FHAD1: variants seen among roughly 807,000 people sequenced by gnomAD.
FHAD1 encodes forkhead-associated domain-containing protein 1.
Under a neutral mutation model 191.3 loss-of-function variants are expected in FHAD1, and 146 were observed. The observed-to-expected ratio is 0.76, with a 90% CI of 0.67 to 0.88. The LOEUF is 0.88. Among genes scored for constraint, FHAD1 ranks in the 40% least tolerant of loss-of-function variants. The probability of loss-of-function intolerance (pLI) is 0.00; values close to 1 mark genes in which losing one functional copy is unlikely to be tolerated. For missense variants in FHAD1, 1,635 were observed against 1,785.8 expected (o/e 0.92, Z 1.52); for synonymous variants, 616 against 672.3 (o/e 0.92, Z 1.29).
In FHAD1 at chr1:15,314,187, C is replaced by T. The variant is rs142044678; in HGVS notation, c.1170+1000C>T. 4.7e-3 allele frequency among the ~76,000 whole-genome samples: 721 copies of T among 152,190 alleles called. 6 individuals carry two copies. Among genetic ancestry groups the T allele is most frequent in the African/African-American group, 0.017 (694 of 41,532 alleles). On this transcript the variant is annotated intron_variant, in intron 8 of 33. Transcript: ENST00000688493. ...CAGTATTTGTGAGATGTGTCTGTTTCGGTGAGTCAAGGTAAAACCTAACAG... is the reference window on the plus strand; with the variant it reads ...CAGTATTTGTGAGATGTGTCTGTTTTGGTGAGTCAAGGTAAAACCTAACAG...
chr1:15,337,456 G>A (rs987792454), intron 14 of FHAD1, among the ~76,000 whole-genome samples: 2 of 152,098 alleles, frequency 1.3e-5, no homozygotes, highest in Non-Finnish European at 1.5e-5. Flanking sequence ...GGCGTCTCTC[G>A]GGCCCTTAGC....
intron 24 of FHAD1, 125 bp from the exon 25 acceptor site, chr1:15,367,338 A>C (rs906228516): frequency 1.5e-5 from 17 of 1,109,412 alleles, no homozygotes; most frequent in Admixed American, 2.8e-5. Flanking sequence ...TCTACTAAAA[A>C]TACAAAAATT....
chr1:15,246,502 T>C (rs1273397543), upstream of FHAD1, among the ~76,000 whole-genome samples: 1 of 103,380 alleles, frequency 9.7e-6, no homozygotes, highest in Non-Finnish European at 2.5e-5. Flanking sequence ...AGATAGGATT[T>C]GCACATCTGC....
rs1345726145 is a variant in FHAD1 at position 15,397,399 on chromosome 1, A to G, written c.4426A>G (p.Ser1476Gly). 19 of 1,531,658 alleles carry G rather than the reference A, an allele frequency of 1.2e-5. No individual in the cohort carries two copies. The highest frequency in any genetic ancestry group is 1.6e-5 in the Non-Finnish European group (18 of 1,133,468). 94.9% of individuals were successfully genotyped at this position (1,531,658 alleles called of 1,614,324 possible). A position where few individuals can be genotyped will look rare whatever the true frequency, so the allele number is the denominator to read the frequency against. Residue 1476 changes from serine to glycine, a missense_variant, in exon 34 of 34, where the codon AGT becomes GGT. By Grantham distance (56) the Ser-to-Gly change is moderately conservative (BLOSUM62 0). Coordinates refer to ENST00000688493, the MANE Select transcript of FHAD1 (RefSeq NM_001391957.1). The stretch of plus-strand genomic sequence containing the variant: ...CCAGAGCCTTTTGCATTCTAAGCCC[A>G]GTGGAAAGTACTAGAGAAACCTCGT... ...SSQSLLHSKP[S>G]GKY
upstream of FHAD1, chr1:15,247,205 C>G (rs537206724): frequency 6.1e-6 from 1 of 162,816 alleles, no homozygotes; most frequent in Non-Finnish European, 1.4e-5. Context: ...TAGGCTGGAC[C>G]CCGCGGCGCC....
rs151298620 is a variant in FHAD1 at position 15,288,076 on chromosome 1, AAGAG to A, written c.301-1311_301-1308del. Among the ~76,000 whole-genome samples the A allele has an allele frequency of 1.6e-3, 236 of 151,548 alleles. 1 individual carries two copies. The highest frequency in any genetic ancestry group is 5.4e-3 in the African/African-American group (225 of 41,440). On this transcript the variant is annotated intron_variant, in intron 3 of 33. Transcript: ENST00000688493. ...GACAATTGGGAGACAGAGGAGGGGA[AAGAG>A]AGAGAGAGAGAAGAAGGAGAGGCCA...
intron 3 of FHAD1, among the ~76,000 whole-genome samples, chr1:15,275,834 C>T (rs752626): frequency 0.32 from 48,309 of 151,952 alleles, 7,940 homozygotes; most frequent in African/African-American, 0.43. Context: ...GTCTTCCCCG[C>T]GGTAGAGTTT....
At chr1:15,296,533 G>A (rs1429724593) in intron 4 of FHAD1, 151 bp from the exon 5 acceptor site, 22 of 752,010 alleles carry the variant, frequency 2.9e-5, no homozygotes, top group Non-Finnish European at 3.6e-5. Flanking sequence ...GATTACAGGC[G>A]TGAGCCACAG....
At chr1:15,344,451 C>G (rs1165856044) in intron 16 of FHAD1, among the ~76,000 whole-genome samples, 1 of 152,212 alleles carries the variant, frequency 6.6e-6, no homozygotes, top group Non-Finnish European at 1.5e-5. Flanking sequence ...GCCAAATTGT[C>G]CCATAAAGAG....
chr1:15,347,993 G>A (rs1327500707), intron 18 of FHAD1, among the ~76,000 whole-genome samples: 4 of 152,170 alleles, frequency 2.6e-5, no homozygotes, highest in Admixed American at 6.5e-5. Context: ...GAGTGTAGAC[G>A]CAGAGTCAGA....
rs75416704 is a variant in FHAD1 at position 15,341,876 on chromosome 1, G to C, written c.2118G>C (p.Thr706=). 55 of 1,551,336 alleles carry C rather than the reference G, an allele frequency of 3.5e-5. No homozygotes were observed. The highest frequency in any genetic ancestry group is 2.4e-4 in the South Asian group (20 of 84,012). Residue 706 remains threonine, a synonymous_variant, in exon 16 of 34, where the codon ACG becomes ACC. Transcript: ENST00000688493. ...EKLKAKIRQL[T]EEKAALEEYI... is the part of the protein sequence containing the mutation. ...TCAAAGCCAAAATCAGGCAACTGAC[G>C]GAAGAGAAGGCGGTAAGGTGGTCCC...
intron 32 of FHAD1, among the ~76,000 whole-genome samples, chr1:15,388,598 G>A (rs1389258473): frequency 6.6e-6 from 1 of 151,648 alleles, no homozygotes; most frequent in Non-Finnish European, 1.5e-5. Flanking sequence ...AAGAAGGTGG[G>A]AGTGGCTACA....
intron 31 of FHAD1, among the ~76,000 whole-genome samples, chr1:15,386,765 C>T (rs1160270713): frequency 2.0e-5 from 3 of 152,130 alleles, no homozygotes; most frequent in South Asian, 2.1e-4. Context: ...GAGTCAATCC[C>T]GTGAAGGCAT....
chr1:15,377,364 G>A (rs975644165), intron 28 of FHAD1, among the ~76,000 whole-genome samples: 6 of 152,060 alleles, frequency 3.9e-5, no homozygotes, highest in African/African-American at 9.7e-5. Context: ...AGCCTGACCC[G>A]CTCCCAAGAC....
At chr1:15,343,587 TTCTC>T (rs1297195208) in intron 16 of FHAD1, among the ~76,000 whole-genome samples, 3 of 152,186 alleles carry the variant, frequency 2.0e-5, no homozygotes, top group Non-Finnish European at 4.4e-5. Context: ...CTTTGCCTCT[TTCTC>T]TGCTTTTCTG....
At chr1:15,301,524 C>A in intron 6 of FHAD1, 83 bp downstream of exon 6, 1 of 1,214,590 alleles carries the variant, frequency 8.2e-7, no homozygotes, top group Non-Finnish European at 1.2e-6. Context: ...GTGAGCCACC[C>A]AGAGTTAGGG....
At chr1:15,363,886 G>A in intron 23 of FHAD1, 2 of 441,724 alleles carry the variant, frequency 4.5e-6, no homozygotes, top group Non-Finnish European at 9.0e-6. Context: ...CCCAAGAGGA[G>A]AACCACCTGC....
chr1:15,307,469 G>A (rs1425735305), intron 6 of FHAD1, among the ~76,000 whole-genome samples: 1 of 152,156 alleles, frequency 6.6e-6, no homozygotes, highest in Non-Finnish European at 1.5e-5. Flanking sequence ...GAATGATATG[G>A]TTTGGCTGTG....
At chr1:15,262,932 C>T (rs1002237037) in intron 2 of FHAD1, among the ~76,000 whole-genome samples, 3 of 152,150 alleles carry the variant, frequency 2.0e-5, no homozygotes, top group African/African-American at 4.8e-5. Context: ...CCACAGTGCA[C>T]GAGGGTTTAA....
Sources: allele counts gnomAD v4.1 joint callset (sites outside exome capture counted in the v4.1 genomes callset), GRCh38; gene constraint gnomAD v4.1.1; transcripts MANE v1.5; gene names NCBI Gene and HGNC (gene_info 2026-07-23, HGNC 2026-07-21).